GALNT13: variants seen among roughly 807,000 people sequenced by gnomAD.
GALNT13 encodes polypeptide N-acetylgalactosaminyltransferase 13, also known as UDP-GalNAc:polypeptide N-acetylgalactosaminyltransferase 13.
In GALNT13, 28 loss-of-function variants were observed where a neutral mutation model predicts 64.2. The ratio of observed to expected loss-of-function variants is 0.44; its 90% CI spans 0.32 to 0.60. The LOEUF is 0.60. GALNT13 is among the 20% of genes least tolerant of loss of function. The pLI is 0.05. For missense variants in GALNT13, 577 were observed against 669.8 expected (o/e 0.86, Z 1.53); for synonymous variants, 214 against 224.6 (o/e 0.95, Z 0.42).
the GALNT13 span, among the ~76,000 whole-genome samples, chr2:153,322,622 A>G: frequency 1.9e-4 from 29 of 152,178 alleles, no homozygotes; most frequent in Admixed American, 1.9e-3. Flanking sequence ...TATCTACATT[A>G]GGTATTTCTG....
chr2:153,343,068 A>G, the GALNT13 span, among the ~76,000 whole-genome samples: 3 of 152,208 alleles, frequency 2.0e-5, no homozygotes, highest in East Asian at 3.8e-4. Context: ...TCCTTCCAAA[A>G]TGTGTAACGT....
the GALNT13 span, among the ~76,000 whole-genome samples, chr2:153,577,744 G>A: frequency 2.2e-4 from 34 of 151,670 alleles, no homozygotes; most frequent in South Asian, 1.9e-3. Context: ...ACAAAACACC[G>A]TGTTCCTGTG....
chr2:154,145,543 A>C (rs1683541940), intron 4 of GALNT13, among the ~76,000 whole-genome samples: 1 of 151,966 alleles, frequency 6.6e-6, no homozygotes, highest in African/African-American at 2.4e-5. Context: ...GTTATAATGC[A>C]GCTAGCATTT....
intron 4 of GALNT13, among the ~76,000 whole-genome samples, chr2:154,156,532 A>T (rs777199926): frequency 3.3e-5 from 5 of 152,160 alleles, no homozygotes; most frequent in Non-Finnish European, 5.9e-5. Flanking sequence ...CTGAATTATG[A>T]CCTGGAATTT....
intron 4 of GALNT13, among the ~76,000 whole-genome samples, chr2:154,205,612 A>G (rs901510180): frequency 6.6e-6 from 1 of 152,176 alleles, no homozygotes; most frequent in Admixed American, 6.5e-5. Flanking sequence ...TTGGACTTAC[A>G]TTTCCATATG....
chr2:153,562,060 C>CTCTGTGTGTGTGTGTGTGTGTGTG, the GALNT13 span, among the ~76,000 whole-genome samples: 11 of 118,896 alleles, frequency 9.3e-5, no homozygotes, highest in African/African-American at 2.3e-4. Flanking sequence ...CTCTCTCTCT[C>CTCTGTGTGTGTGTGTGTGTGTGTG]TGTGTGTGTG....
chr2:153,444,858 C>T, the GALNT13 span, among the ~76,000 whole-genome samples: 2 of 152,026 alleles, frequency 1.3e-5, no homozygotes, highest in East Asian at 1.9e-4. Context: ...TTAGTTGTTC[C>T]CAGCTTGTGG....
At chr2:153,534,424 A>G in the GALNT13 span, among the ~76,000 whole-genome samples, 1 of 152,076 alleles carries the variant, frequency 6.6e-6, no homozygotes, top group Non-Finnish European at 1.5e-5. Context: ...CTTTTAGATG[A>G]AACAGGACGG....
chr2:153,386,834 C>A, the GALNT13 span, among the ~76,000 whole-genome samples: 1 of 152,100 alleles, frequency 6.6e-6, no homozygotes, highest in Admixed American at 6.6e-5. Context: ...TGAACAACTG[C>A]TGACTTTGCC....
chr2:153,820,585 C>CA, the GALNT13 span, among the ~76,000 whole-genome samples: 1 of 151,992 alleles, frequency 6.6e-6, no homozygotes, highest in East Asian at 1.9e-4. Context: ...AGCATTCACA[C>CA]AAAAAAAGAA....
At chr2:153,360,087 A>T in the GALNT13 span, among the ~76,000 whole-genome samples, 2 of 152,160 alleles carry the variant, frequency 1.3e-5, no homozygotes, top group Non-Finnish European at 2.9e-5. Flanking sequence ...CTGGCAACTG[A>T]GGTATCCAAG....
the GALNT13 span, among the ~76,000 whole-genome samples, chr2:153,289,086 A>G: frequency 2.0e-5 from 3 of 152,158 alleles, no homozygotes; most frequent in Non-Finnish European, 2.9e-5. Context: ...TCTTTTTACC[A>G]TAAGTGTATG....
chr2:154,372,586 C>G, intron 9 of GALNT13, among the ~76,000 whole-genome samples: 1 of 151,976 alleles, frequency 6.6e-6, no homozygotes, highest in East Asian at 1.9e-4. Flanking sequence ...ATGATACAGC[C>G]ATTGAAATAT....
the GALNT13 span, among the ~76,000 whole-genome samples, chr2:153,161,081 A>C: frequency 6.6e-6 from 1 of 152,200 alleles, no homozygotes; most frequent in East Asian, 1.9e-4. Context: ...TTCTAGACTT[A>C]TTCCAACAAT....
At chr2:154,126,567 G>A (rs1268029863) in intron 3 of GALNT13, among the ~76,000 whole-genome samples, 2 of 151,492 alleles carry the variant, frequency 1.3e-5, no homozygotes, top group Non-Finnish European at 2.9e-5. Context: ...CCCGGGAGGC[G>A]GAGCTTGCAG....
the GALNT13 span, among the ~76,000 whole-genome samples, chr2:153,226,412 G>A: frequency 6.6e-6 from 1 of 152,116 alleles, no homozygotes; most frequent in East Asian, 1.9e-4. Flanking sequence ...TAAAAAAAAT[G>A]TATAGAATTT....
At chr2:154,425,889 G>T (rs545435104) in intron 11 of GALNT13, among the ~76,000 whole-genome samples, 1 of 152,312 alleles carries the variant, frequency 6.6e-6, no homozygotes, top group South Asian at 2.1e-4. Flanking sequence ...GGGAGATGAT[G>T]TCTCACATGG....
At chr2:153,688,933 T>C in the GALNT13 span, among the ~76,000 whole-genome samples, 6 of 151,860 alleles carry the variant, frequency 4.0e-5, no homozygotes, top group East Asian at 9.7e-4. Flanking sequence ...GAACTTCTGC[T>C]GAGTTCCTGT....
intron 2 of GALNT13, among the ~76,000 whole-genome samples, chr2:153,933,545 G>C (rs1690680451): frequency 6.6e-6 from 1 of 152,056 alleles, no homozygotes; most frequent in South Asian, 2.1e-4. Context: ...TTTAAGTGGG[G>C]TGTTTATCCT....
Sources: gnomAD v4.1 joint callset for allele counts (sites outside exome capture counted in the v4.1 genomes callset) on GRCh38, gnomAD v4.1.1 for gene constraint, MANE v1.5 for transcripts, NCBI Gene and HGNC (gene_info 2026-07-23, HGNC 2026-07-21) for gene names.